Variants in RDH8 observed in about 807,000 individuals in gnomAD.
The protein encoded by RDH8 is photoreceptor outer segment all-trans retinol dehydrogenase.
In RDH8, 14 loss-of-function variants were observed where a neutral mutation model predicts 22.3. The ratio of observed to expected loss-of-function variants is 0.63; its 90% CI spans 0.42 to 0.98. The LOEUF (loss-of-function observed/expected upper bound fraction) is 0.98. RDH8 is among the 50% of genes least tolerant of loss of function. The pLI is 0.00. For synonymous variants in RDH8, 175 were observed against 171.7 expected (o/e 1.02, Z -0.15); for missense variants, 389 against 409.8 (o/e 0.95, Z 0.44).
At position 10,020,855 on chromosome 19, in the gene RDH8, C is replaced by T. The variant is rs2087653170; in HGVS notation, c.536+53C>T. ...CTTGGAGCCAGTGATGGGGAGGTGGCATCGAAAGGGGGAGAGGAGAGATGA... is the reference window on the plus strand; with the variant it reads ...CTTGGAGCCAGTGATGGGGAGGTGGTATCGAAAGGGGGAGAGGAGAGATGA... On this transcript the variant is annotated intron_variant, in intron 4 of 5. Coordinates refer to ENST00000591589, the MANE Select transcript of RDH8 (RefSeq NM_015725.4). The T allele has an allele frequency of 1.8e-5, 23 of 1,298,512 alleles. 1 individual carries two copies. In the South Asian group the frequency reaches 2.8e-4, roughly 16 times the overall value. The allele number at this position is 1,298,512 out of a possible 1,614,324, so 80.4% of individuals were successfully genotyped here. A position where few individuals can be genotyped will look rare whatever the true frequency, so the allele number is the denominator to read the frequency against.
Position 10,021,559 on chromosome 19 carries a change from C to T in RDH8, c.746C>T (p.Thr249Ile), listed in dbSNP as rs760538980. The T allele has an allele frequency of 5.6e-6, 9 of 1,614,172 alleles. No homozygotes were observed. In the South Asian group the frequency reaches 8.8e-5, roughly 16 times the overall value. The change falls in exon 6 of 6, where the codon ACT (threonine) becomes ATT (isoleucine). Residue 249 changes from threonine (T) to isoleucine (I), a missense_variant. Physicochemically the swap from Thr to Ile is moderately conservative, Grantham distance 89. Transcript: ENST00000591589. ...GCCATTGTCAACGTCATCAGCTCGA[C>T]TCGACCACCCCTGCGCCGACAGACC... Reference protein sequence around the residue: ...VQAIVNVISSTRPPLRRQTNI... With the variant: ...VQAIVNVISSIRPPLRRQTNI...
At chr19:10,018,238 C>T (rs1374799190) in intron 2 of RDH8, among the ~76,000 whole-genome samples, 4 of 152,108 alleles carry the variant, frequency 2.6e-5, no homozygotes, top group Admixed American at 6.5e-5. Context: ...GCCACCATGC[C>T]CAGCTCAAAA....
At chr19:10,018,579 T>C (rs1291501803) in intron 2 of RDH8, 152 bp from the exon 3 acceptor site, 20 of 598,450 alleles carry the variant, frequency 3.3e-5, no homozygotes, top group Non-Finnish European at 5.8e-5. Context: ...AAACTGTGTT[T>C]AAAGGTTACC....
intron 1 of RDH8, 72 bp downstream of exon 1, chr19:10,013,672 A>AT: frequency 6.6e-7 from 1 of 1,518,752 alleles, no homozygotes; most frequent in Non-Finnish European, 9.0e-7. Context: ...TCCCCTACCC[A>AT]TCCCTCCCAG....
rs139384633 is a variant in RDH8, at chr19:10,021,036, G to T, written c.537-219G>T. On this transcript the variant is annotated intron_variant, in intron 4 of 5. Transcript: ENST00000591589. ...CAAAATTTAAAAATTAGCCAAGGGT[G>T]GTGGTGTGTGTACCTGCAGTCCCAG... is the stretch of plus-strand genomic sequence containing the variant. 737 of 626,534 alleles carry T rather than the reference G, an allele frequency of 1.2e-3. 1 individual carries two copies. The highest frequency in any genetic ancestry group is 1.6e-3 in the Non-Finnish European group (578 of 360,280). 38.8% of individuals were successfully genotyped at this position (626,534 alleles called of 1,614,324 possible).
At chr19:10,016,450 A>G (rs7250419) in intron 1 of RDH8, among the ~76,000 whole-genome samples, 121,061 of 150,344 alleles carry the variant, frequency 0.81, 49,168 homozygotes, top group African/African-American at 0.92. Flanking sequence ...CCACCGCGCC[A>G]GGCCGCCCGG....
intron 3 of RDH8, among the ~76,000 whole-genome samples, chr19:10,020,404 A>C: frequency 6.7e-6 from 1 of 148,894 alleles, no homozygotes; most frequent in Admixed American, 6.7e-5. Flanking sequence ...GGCCCTAATG[A>C]AGAGAAAAAT....
intron 3 of RDH8, among the ~76,000 whole-genome samples, chr19:10,019,419 C>T (rs1180197498): frequency 6.6e-6 from 1 of 151,528 alleles, no homozygotes; most frequent in Non-Finnish European, 1.5e-5. Context: ...CAGCACTTTG[C>T]GTGGCCTAGG....
chr19:10,019,841 A>C (rs373577137), intron 3 of RDH8, among the ~76,000 whole-genome samples: 3 of 96,146 alleles, frequency 3.1e-5, no homozygotes, highest in African/African-American at 8.6e-5. Context: ...AACAAACAAA[A>C]AACAACAACA....
chr19:10,017,361 G>A, intron 2 of RDH8, 146 bp downstream of exon 2: 1 of 773,946 alleles, frequency 1.3e-6, no homozygotes. Flanking sequence ...GGCCAAGAGG[G>A]GTAGACCAGT....
At position 10,021,336 on chromosome 19, in the gene RDH8, A is replaced by T; in HGVS notation, c.618A>T (p.Pro206=). The T allele has an allele frequency of 6.2e-7, 1 of 1,614,020 alleles. No individual in the cohort carries two copies. The part of the protein sequence containing the change: ...LLAQVSMAEF[P]GTDPETLHYF... ...CGCAGGTTTCTATGGCTGAGTTCCCAGGCACTGACCCTGAGACCCTGCACT... is the reference window on the plus strand; with the variant it reads ...CGCAGGTTTCTATGGCTGAGTTCCCTGGCACTGACCCTGAGACCCTGCACT... Residue 206 remains proline, a synonymous_variant, in exon 5 of 6, where the codon CCA becomes CCT. Transcript: ENST00000591589.
At chr19:10,021,214 G>T in intron 4 of RDH8, 41 bp from the exon 5 acceptor site, 2 of 1,592,150 alleles carry the variant, frequency 1.3e-6, no homozygotes, top group Non-Finnish European at 1.7e-6. Flanking sequence ...TCAGGGAGTG[G>T]TTGGGGCATC....
chr19:10,021,268 G>C lies in RDH8; in HGVS notation c.550G>C (p.Glu184Gln). ...CCTGGTCGCCAGCATCTCCCTGGTG[G>C]AGCCAGGCCCCGTGGTCACCGAGTT... ...LQFNIFISLV[E>Q]PGPVVTEFEG... The change falls in exon 5 of 6, where the codon GAG becomes CAG. Residue 184 changes from glutamate to glutamine, a missense_variant. Physicochemically the swap from Glu to Gln is conservative, Grantham distance 29. Coordinates refer to ENST00000591589, the MANE Select transcript of RDH8 (RefSeq NM_015725.4). 1 of 1,614,130 alleles carries C rather than the reference G, an allele frequency of 6.2e-7. No homozygotes were observed. Among genetic ancestry groups the C allele is most frequent in the South Asian group, 1.1e-5 (1 of 91,084 alleles).
chr19:10,018,996 T>G (rs990181830), intron 3 of RDH8, 86 bp downstream of exon 3: 2 of 1,160,448 alleles, frequency 1.7e-6, no homozygotes, highest in Non-Finnish European at 2.4e-6. Flanking sequence ...TTTTAGATCA[T>G]ATTCTAAATT....
chr19:10,014,260 G>A (rs1343207572), intron 1 of RDH8, among the ~76,000 whole-genome samples: 1 of 152,214 alleles, frequency 6.6e-6, no homozygotes, highest in Admixed American at 6.5e-5. Flanking sequence ...GGGGGTGAGG[G>A]CATTGCCCCA....
rs200983402 is a variant in RDH8 at position 10,021,729 on chromosome 19, A to T, written c.916A>T (p.Thr306Ser). Residue 306 changes from threonine to serine, a missense_variant, in exon 6 of 6, where the codon ACG becomes TCG. Thr to Ser is a moderately conservative substitution (Grantham distance 58). Coordinates refer to ENST00000591589, the MANE Select transcript of RDH8 (RefSeq NM_015725.4). ...ATGTCTGTCCTGCGGCTGCCTCCCA[A>T]CGCGGGTGCGGCCAAGATGAGCAGA... ...LQCLSCGCLP[T>S]RVRPR is the part of the protein sequence containing the mutation. The T allele has an allele frequency of 1.9e-6, 3 of 1,613,586 alleles. No individual in the cohort carries two copies. In the East Asian group the frequency reaches 6.7e-5, roughly 36 times the overall value.
rs746792451 is a variant in RDH8 at position 10,021,236 on chromosome 19, A to G, written c.537-19A>G. 4.2e-5 allele frequency: 67 copies of G among 1,613,120 alleles called. No homozygotes were observed. Among genetic ancestry groups the G allele is most frequent in the Non-Finnish European group, 5.3e-5 (63 of 1,179,666 alleles). ...GTGGTTGGGGCATCAGACTTACACTACCCATGCCTGGTCGCCAGCATCTCC... is the reference window on the plus strand; with the variant it reads ...GTGGTTGGGGCATCAGACTTACACTGCCCATGCCTGGTCGCCAGCATCTCC... On this transcript the variant is annotated intron_variant, in intron 4 of 5. Coordinates refer to ENST00000591589, the MANE Select transcript of RDH8 (RefSeq NM_015725.4).
In RDH8 at chr19:10,021,653, G is replaced by C; in HGVS notation, c.840G>C (p.Thr280=). The change falls in exon 6 of 6, where the codon ACG becomes ACC. Residue 280 remains threonine, a synonymous_variant. Coordinates refer to ENST00000591589, the MANE Select transcript of RDH8 (RefSeq NM_015725.4). Reference sequence around the variant, plus strand: ...CCTCTGGCAGCCTGTATGTGCGAACGACCCACCGCCTCCTCTTCCGCTGTC... The same window carrying C: ...CCTCTGGCAGCCTGTATGTGCGAACCACCCACCGCCTCCTCTTCCGCTGTC... ...VDSSGSLYVR[T]THRLLFRCPR... is the part of the protein sequence containing the mutation. 1 of 1,614,034 alleles carries C rather than the reference G, an allele frequency of 6.2e-7. No individual in the cohort carries two copies. Among genetic ancestry groups the C allele is most frequent in the Non-Finnish European group, 8.5e-7 (1 of 1,179,998 alleles).
chr19:10,018,747 G>A lies in RDH8; in HGVS notation c.279G>A (p.Met93Ile). 1.9e-6 allele frequency: 3 copies of A among 1,608,224 alleles called. No homozygotes were observed. The highest frequency in any genetic ancestry group is 2.5e-6 in the Non-Finnish European group (3 of 1,176,624). Residue 93 changes from methionine to isoleucine, a missense_variant, in exon 3 of 6, where the codon ATG (methionine) becomes ATA (isoleucine). By Grantham distance (10) the Met-to-Ile change is conservative. Transcript: ENST00000591589. Reference protein sequence around the residue: ...EVDVLVNNAGMGLVGPLEGLS... With the variant: ...EVDVLVNNAGIGLVGPLEGLS... ...TTCTCTTAGTGAATAATGCTGGAAT[G>A]GGCCTGGTGGGGCCCCTGGAGGGGC...
Sources: gnomAD v4.1 joint callset for allele counts (sites outside exome capture counted in the v4.1 genomes callset) on GRCh38, gnomAD v4.1.1 for gene constraint, MANE v1.5 for transcripts, NCBI Gene and HGNC (gene_info 2026-07-23, HGNC 2026-07-21) for gene names.